The following TMEM114 variants were observed in gnomAD, a reference collection of about 807,000 sequenced individuals.
The protein encoded by TMEM114 is claudin-26.
TMEM114 carries 6 observed loss-of-function variants against 6.2 expected under a neutral mutation model. The ratio of observed to expected loss-of-function variants is 0.97; its 90% CI spans 0.53 to 1.91. The LOEUF (loss-of-function observed/expected upper bound fraction) is 1.91. Among genes scored for constraint, TMEM114 ranks in the 40% most tolerant of loss-of-function variants. TMEM114 has a pLI of 0.01. For missense variants in TMEM114, 218 were observed against 158.3 expected, an observed-to-expected ratio of 1.38 and a Z score of -2.02; for synonymous variants, 104 against 73.0, an observed-to-expected ratio of 1.42 and a Z score of -2.16.
downstream of TMEM114, among the ~76,000 whole-genome samples, chr16:8,568,317 T>C (rs1040530197): frequency 2.0e-5 from 3 of 152,122 alleles, no homozygotes; most frequent in South Asian, 6.2e-4. Context: ...CCTTTGAGTG[T>C]TTGTTGAATG....
At chr16:8,576,567 C>A (rs1315647847) in intron 2 of TMEM114, among the ~76,000 whole-genome samples, 2 of 152,166 alleles carry the variant, frequency 1.3e-5, no homozygotes, top group Non-Finnish European at 2.9e-5. Context: ...GAATCAAAGG[C>A]CAGCAGGACC....
At chr16:8,558,942 A>G (rs941169838) in intron 2 of TMEM114, among the ~76,000 whole-genome samples, 23 of 150,844 alleles carry the variant, frequency 1.5e-4, no homozygotes, top group Non-Finnish European at 2.9e-4. Context: ...ACGGGGTTTC[A>G]CCATGTTAGC....
At chr16:8,547,664 T>C (rs1402060338) in intron 2 of TMEM114, among the ~76,000 whole-genome samples, 3 of 152,148 alleles carry the variant, frequency 2.0e-5, no homozygotes, top group African/African-American at 7.2e-5. Context: ...GTGCTGGGAT[T>C]ACAGGCATGA....
the TMEM114 span, among the ~76,000 whole-genome samples, chr16:8,529,303 G>T: frequency 6.6e-6 from 1 of 152,190 alleles, no homozygotes; most frequent in Non-Finnish European, 1.5e-5. Context: ...AAATGGTTCT[G>T]ACCAGGACTC....
intron 2 of TMEM114, among the ~76,000 whole-genome samples, chr16:8,539,419 G>T (rs753802880): frequency 3.3e-5 from 5 of 152,148 alleles, no homozygotes; most frequent in Non-Finnish European, 7.4e-5. Context: ...GCTCCGCAAA[G>T]CCTCCTTCTC....
At chr16:8,566,839 T>A (rs72778417), downstream of TMEM114, among the ~76,000 whole-genome samples, 5,122 of 149,812 alleles carry the variant, frequency 0.034, 137 homozygotes, top group South Asian at 0.11. Flanking sequence ...AGAAGCCCTT[T>A]CTAATTGTCC....
downstream of TMEM114, among the ~76,000 whole-genome samples, chr16:8,564,799 AAATGAGTGAGTG>A (rs1901471940): frequency 9.1e-6 from 1 of 109,322 alleles, no homozygotes; most frequent in Non-Finnish European, 2.0e-5. Flanking sequence ...ATTAGTGAGT[AAATGAGTGAGTG>A]AATGAGTGAG....
At chr16:8,553,707 T>C (rs1900916189) in intron 2 of TMEM114, among the ~76,000 whole-genome samples, 1 of 152,078 alleles carries the variant, frequency 6.6e-6, no homozygotes, top group South Asian at 2.1e-4. Flanking sequence ...GGTCTTGATC[T>C]CCTGACCTCA....
intron 2 of TMEM114, among the ~76,000 whole-genome samples, chr16:8,563,095 G>C (rs1901336174): frequency 6.7e-6 from 1 of 149,912 alleles, no homozygotes; most frequent in Non-Finnish European, 1.5e-5. Flanking sequence ...GTGAGTGAGG[G>C]AGGGAGGGAA....
rs141212101 is a variant in TMEM114 at position 8,548,694 on chromosome 16, G to GTATATATATATATATA, written n.213-10869_213-10868insTATATATATATATATA. ...AGAGAAGTGAGCTAAAAATTGCCAT[G>GTATATATATATATATA]TATATATATACACAGAAAAAAAATA... is the stretch of plus-strand genomic sequence containing the variant. On this transcript the variant is annotated intron_variant and non_coding_transcript_variant, in intron 2 of 2. Transcript: ENST00000623677. 6.9e-4 allele frequency among the ~76,000 whole-genome samples: 97 copies of GTATATATATATATATA among 140,004 alleles called. 1 individual carries two copies. Among genetic ancestry groups the GTATATATATATATATA allele is most frequent in the African/African-American group, 2.6e-3 (91 of 35,316 alleles). 91.8% of individuals were successfully genotyped at this position (140,004 alleles called of 152,430 possible).
At chr16:8,539,182 T>C (rs1411945836) in intron 2 of TMEM114, among the ~76,000 whole-genome samples, 1 of 152,156 alleles carries the variant, frequency 6.6e-6, no homozygotes, top group African/African-American at 2.4e-5. Context: ...CTGCCTGGTG[T>C]GCGGTGCTGA....
At chr16:8,550,642 C>G (rs1900809550) in intron 2 of TMEM114, among the ~76,000 whole-genome samples, 1 of 151,266 alleles carries the variant, frequency 6.6e-6, no homozygotes, top group Middle Eastern at 3.4e-3. Context: ...CGCACCATTG[C>G]TCTCCAGCCT....
downstream of TMEM114, among the ~76,000 whole-genome samples, chr16:8,535,642 A>T (rs1900333685): frequency 6.6e-6 from 1 of 152,204 alleles, no homozygotes; most frequent in Non-Finnish European, 1.5e-5. Context: ...GTAGGCACTG[A>T]TCTTATGAGT....
intron 2 of TMEM114, among the ~76,000 whole-genome samples, chr16:8,547,831 T>G (rs1900720288): frequency 6.6e-6 from 1 of 152,098 alleles, no homozygotes; most frequent in Non-Finnish European, 1.5e-5. Context: ...GAGACTCTCA[T>G]CAGGATACCA....
chr16:8,564,386 G>T (rs146602966), intron 2 of TMEM114, among the ~76,000 whole-genome samples: 22,867 of 136,988 alleles, frequency 0.17, 2,181 homozygotes, highest in Middle Eastern at 0.26. Flanking sequence ...AATGAGTGAG[G>T]GAATGAGTGA....
At chr16:8,547,380 CTT>C (rs1157315674) in intron 2 of TMEM114, among the ~76,000 whole-genome samples, 123 of 145,452 alleles carry the variant, frequency 8.5e-4, no homozygotes, top group African/African-American at 3.2e-3. Context: ...CGCTTTCTTT[CTT>C]TCTTTCTTTC....
intron 2 of TMEM114, among the ~76,000 whole-genome samples, chr16:8,561,918 A>G (rs12934203): frequency 1.2e-4 from 14 of 115,904 alleles, no homozygotes; most frequent in East Asian, 6.4e-4. Context: ...ATGAATGAGT[A>G]AGTGAATGAG....
chr16:8,589,026 G>A (rs1021536454), intron 2 of TMEM114, among the ~76,000 whole-genome samples, 187 bp downstream of exon 2: 6 of 151,996 alleles, frequency 3.9e-5, no homozygotes, highest in Non-Finnish European at 8.8e-5. Flanking sequence ...ACCACAAAAC[G>A]TTACAGGTGG....
chr16:8,570,280 C>T (rs1173440766), intron 3 of TMEM114, among the ~76,000 whole-genome samples: 1 of 152,064 alleles, frequency 6.6e-6, no homozygotes, highest in East Asian at 1.9e-4. Context: ...TACAGCTGCC[C>T]ATCACTGCCC....
Sources: allele counts gnomAD v4.1 joint callset (sites outside exome capture counted in the v4.1 genomes callset), GRCh38; gene constraint gnomAD v4.1.1; transcripts MANE v1.5; gene names NCBI Gene and HGNC (gene_info 2026-07-23, HGNC 2026-07-21).